Variants in ZW10 observed in about 807,000 individuals in gnomAD.
ZW10 encodes centromere/kinetochore protein zw10 homolog.
ZW10 carries 53 observed loss-of-function variants against 87.8 expected under a neutral mutation model. That is an observed-to-expected ratio of 0.60 (90% confidence interval 0.48 to 0.76). ZW10 has a LOEUF of 0.76. Among genes scored for constraint, ZW10 ranks in the 30% least tolerant of loss-of-function variants. ZW10 has a pLI of 0.00. For missense variants in ZW10, 837 were observed against 923.0 expected, an observed-to-expected ratio of 0.91 and a Z score of 1.21; for synonymous variants, 312 against 329.2, an observed-to-expected ratio of 0.95 and a Z score of 0.57.
chr11:113,739,150 A>C (rs910339338), intron 12 of ZW10, 63 bp downstream of exon 12: 2 of 1,566,612 alleles, frequency 1.3e-6, no homozygotes, highest in African/African-American at 2.8e-5. Context: ...CAAAAACTAT[A>C]AAGATACTAT....
chr11:113,760,639 T>C (rs1565286988), intron 3 of ZW10, 49 bp from the exon 4 acceptor site: 6 of 1,500,630 alleles, frequency 4.0e-6, no homozygotes, highest in Non-Finnish European at 5.5e-6. Flanking sequence ...TTCAAGTCTG[T>C]TTGCTTTTAA....
chr11:113,751,152 C>T, intron 7 of ZW10: 1 of 224,142 alleles, frequency 4.5e-6, no homozygotes, highest in South Asian at 7.2e-5. Context: ...CCTTCGCATA[C>T]TGACGGAGAC....
intron 1 of ZW10, among the ~76,000 whole-genome samples, chr11:113,771,058 T>C (rs116289960): frequency 0.078 from 11,756 of 150,916 alleles, 558 homozygotes; most frequent in African/African-American, 0.13. Context: ...TCACTGCAAT[T>C]TCCACTTCCC....
At position 113,743,907 on chromosome 11, in the gene ZW10, T is replaced by C; in HGVS notation, c.1406A>G (p.Gln469Arg). 1 of 1,614,186 alleles carries C rather than the reference T, an allele frequency of 6.2e-7. No homozygotes were observed. The highest frequency in any genetic ancestry group is 1.1e-5 in the South Asian group (1 of 91,088). The change falls in exon 10 of 16, where the codon CAA (glutamine) becomes CGA (arginine). Residue 469 changes from glutamine (Q) to arginine (R), a missense_variant. By Grantham distance (43) the Gln-to-Arg change is conservative. Coordinates refer to ENST00000200135, the MANE Select transcript of ZW10 (RefSeq NM_004724.4). ...MNLEPENTLD[Q>R]HSFSLPTCRI... ...GCATGTGGGCAAGGAAAAGGAATGT[T>C]GGTCCAATGTATTTTCAGGCTCTAA... is the stretch of plus-strand genomic sequence containing the variant.
intron 8 of ZW10, 111 bp downstream of exon 8, chr11:113,748,146 T>C: frequency 1.0e-6 from 1 of 983,812 alleles, no homozygotes; most frequent in African/African-American, 1.7e-5. Context: ...TCCTTATTAA[T>C]AATTTACTTA....
chr11:113,758,597 T>G lies in ZW10; in HGVS notation c.690A>C (p.Ala230=), dbSNP rs756375800. 3.7e-6 allele frequency: 6 copies of G among 1,613,864 alleles called. No individual in the cohort carries two copies. The African/African-American group carries it at 8.0e-5, about 22-fold the overall frequency. The part of the protein sequence containing the change: ...PMPPISSVLL[A]FSVLGELHSK... ...TGTGTAGTTCTCCAAGAACAGAAAA[T>G]GCCAAGAGGACAGAACTGATGGGTG... Residue 230 remains alanine, a synonymous_variant, in exon 6 of 16, where the codon GCA becomes GCC. Coordinates refer to ENST00000200135, the MANE Select transcript of ZW10 (RefSeq NM_004724.4).
intron 1 of ZW10, chr11:113,770,684 G>C (rs112022418): frequency 0.078 from 11,783 of 151,264 alleles, 569 homozygotes; most frequent in African/African-American, 0.13. Context: ...CGGTCGCGGT[G>C]GTGGGCGCCT....
intron 1 of ZW10, chr11:113,770,045 C>A: frequency 6.1e-6 from 1 of 163,582 alleles, no homozygotes. Flanking sequence ...TTGGCATAAA[C>A]CTTTTGAATT....
At position 113,741,699 on chromosome 11, in the gene ZW10, A is replaced by T. The variant is rs1953620891; in HGVS notation, c.1578T>A (p.Tyr526Ter). Residue 526 changes from tyrosine (Y) to a stop codon, truncating the protein, a stop_gained, in exon 11 of 16, where the codon TAT (tyrosine) becomes TAA (stop). Transcript: ENST00000200135. LOFTEE classifies it high-confidence loss of function. ...FHLFHDVVPTYHKENLQKLPQ... is the reference protein window; with the variant it reads ...FHLFHDVVPT ...TGAGATACAGTGGTACTTACTTGTGATATGTTGGTACAACATCATGGAACA... is the reference window on the plus strand; with the variant it reads ...TGAGATACAGTGGTACTTACTTGTGTTATGTTGGTACAACATCATGGAACA... The T allele has an allele frequency of 6.3e-7, 1 of 1,595,942 alleles. No individual in the cohort carries two copies. Among genetic ancestry groups the T allele is most frequent in the African/African-American group, 1.3e-5 (1 of 74,488 alleles).
At chr11:113,734,582 A>C (rs1953528004) in intron 15 of ZW10, among the ~76,000 whole-genome samples, 1 of 152,186 alleles carries the variant, frequency 6.6e-6, no homozygotes, top group South Asian at 2.1e-4. Flanking sequence ...AGGAAGGCAG[A>C]TCACATGAGG....
chr11:113,736,869 C>A, intron 14 of ZW10, 47 bp from the exon 15 acceptor site: 1 of 1,581,884 alleles, frequency 6.3e-7, no homozygotes, highest in South Asian at 1.1e-5. Context: ...TGGGCCAGCT[C>A]AGAAGTGGGG....
At chr11:113,760,423 G>A (rs1231854654) in intron 4 of ZW10, 55 bp from the exon 5 acceptor site, 8 of 1,601,904 alleles carry the variant, frequency 5.0e-6, no homozygotes, top group African/African-American at 1.3e-5. Flanking sequence ...AGGGCAATTA[G>A]AATATATTTG....
intron 7 of ZW10, among the ~76,000 whole-genome samples, chr11:113,757,461 A>C (rs879439436): frequency 6.6e-6 from 1 of 152,244 alleles, no homozygotes; most frequent in Non-Finnish European, 1.5e-5. Context: ...TGATGGCCCT[A>C]CTTGTCAATA....
Position 113,739,160 on chromosome 11 carries a change from T to C in ZW10, c.1753+53A>G, listed in dbSNP as rs1477318729. On this transcript the variant is annotated intron_variant, in intron 12 of 15. Coordinates refer to ENST00000200135, the MANE Select transcript of ZW10 (RefSeq NM_004724.4). ...TCATTCAAAAACTATAAAGATACTA[T>C]GTTGACAAGCTGCATAATCCATATG... 4 of 1,588,784 alleles carry C rather than the reference T, an allele frequency of 2.5e-6. No individual in the cohort carries two copies. The African/African-American group carries it at 4.1e-5, about 16-fold the overall frequency.
In ZW10 at chr11:113,757,753, T is replaced by G; in HGVS notation, c.834A>C (p.Glu278Asp). ...GATATTCCAAGTTAGTCATTATAGA[T>G]TCAAAACGAATAATAACTATGTTAG... ...SQPNIVIIRF[E>D]SIMTNLEYPS... Residue 278 changes from glutamate (E) to aspartate (D), a missense_variant, in exon 7 of 16, where the codon GAA becomes GAC. By Grantham distance (45) the Glu-to-Asp change is conservative. Coordinates refer to ENST00000200135, the MANE Select transcript of ZW10 (RefSeq NM_004724.4). 6.2e-7 allele frequency: 1 copy of G among 1,613,840 alleles called. No homozygotes were observed. The highest frequency in any genetic ancestry group is 8.5e-7 in the Non-Finnish European group (1 of 1,179,818).
At chr11:113,743,773 G>C in intron 10 of ZW10, 29 bp downstream of exon 10, 1 of 1,562,236 alleles carries the variant, frequency 6.4e-7, no homozygotes, top group Non-Finnish European at 8.8e-7. Flanking sequence ...CCAAGTCATT[G>C]CCATTTTCAC....
In ZW10 at chr11:113,757,712, A is replaced by C. The variant is rs763244434; in HGVS notation, c.875T>G (p.Val292Gly). Residue 292 changes from valine to glycine, a missense_variant, in exon 7 of 16, where the codon GTT (valine) becomes GGT (glycine). Coordinates refer to ENST00000200135, the MANE Select transcript of ZW10 (RefSeq NM_004724.4). ...TNLEYPSPSE[V>G]FTKIRLVLEV... Reference sequence around the variant, plus strand: ...TAGTACCAGTCTGATCTTTGTAAAAACTTCAGATGGTGATGGATATTCCAA... The same window carrying C: ...TAGTACCAGTCTGATCTTTGTAAAACCTTCAGATGGTGATGGATATTCCAA... The C allele has an allele frequency of 1.2e-6, 2 of 1,612,372 alleles. No homozygotes were observed. The highest frequency in any genetic ancestry group is 2.7e-5 in the African/African-American group (2 of 74,882).
chr11:113,746,764 G>A (rs1433723088), intron 9 of ZW10, among the ~76,000 whole-genome samples: 1 of 152,090 alleles, frequency 6.6e-6, no homozygotes, highest in Non-Finnish European at 1.5e-5. Context: ...AAACAAAGTA[G>A]GCCTAGCACA....
intron 5 of ZW10, among the ~76,000 whole-genome samples, chr11:113,759,824 A>G (rs778413953): frequency 1.3e-5 from 2 of 152,184 alleles, no homozygotes; most frequent in Non-Finnish European, 2.9e-5. Flanking sequence ...GCTCCTTTAC[A>G]CTTTCTAGCC....
Sources: allele counts gnomAD v4.1 joint callset (sites outside exome capture counted in the v4.1 genomes callset), GRCh38; gene constraint gnomAD v4.1.1; transcripts MANE v1.5; gene names NCBI Gene and HGNC (gene_info 2026-07-23, HGNC 2026-07-21).